DCHS2: variants seen among roughly 807,000 people sequenced by gnomAD.
The protein encoded by DCHS2 is protocadherin-23.
Under a neutral mutation model 182.4 loss-of-function variants are expected in DCHS2, and 142 were observed. The observed-to-expected ratio is 0.78, with a 90% CI of 0.68 to 0.89. The LOEUF is 0.89. Ranked by LOEUF, DCHS2 falls within the 40% of genes least tolerant of loss-of-function variation. The pLI, the probability that DCHS2 is intolerant of heterozygous loss-of-function variation, is 0.00. For synonymous variants in DCHS2, 1,740 were observed against 1,663.3 expected (o/e 1.05, Z -1.12); for missense variants, 4,319 against 4,198.6 (o/e 1.03, Z -0.79).
At chr4:154,485,684 ATGT>A (rs1579127423) in intron 1 of DCHS2, among the ~76,000 whole-genome samples, 3 of 152,222 alleles carry the variant, frequency 2.0e-5, no homozygotes, top group Admixed American at 2.0e-4. Flanking sequence ...GAATTAATGA[ATGT>A]TGTTGTTTGG....
chr4:154,460,874 A>T (rs1404840954), intron 1 of DCHS2, among the ~76,000 whole-genome samples: 1 of 152,212 alleles, frequency 6.6e-6, no homozygotes, highest in East Asian at 1.9e-4. Flanking sequence ...AAAAACTAGC[A>T]GGGTAAAATA....
Position 154,384,385 on chromosome 4 carries a change from G to T in DCHS2, c.2053-6941C>A. On this transcript the variant is annotated intron_variant, in intron 1 of 19. Coordinates refer to ENST00000357232, the MANE Select transcript of DCHS2 (RefSeq NM_001358235.2). The stretch of plus-strand genomic sequence containing the variant: ...GACCTCACCTCAGTTTCCTTCACTG[G>T]TTTTGCGTTCTCTTCCTGGCTTCTG... The T allele has an allele frequency of 1.9e-6, 3 of 1,613,048 alleles. No individual in the cohort carries two copies. In the Admixed American group the frequency reaches 5.0e-5, roughly 27 times the overall value.
At chr4:154,268,900 G>A (rs371365304) in intron 14 of DCHS2, among the ~76,000 whole-genome samples, 2 of 152,144 alleles carry the variant, frequency 1.3e-5, no homozygotes, top group Admixed American at 6.6e-5. Context: ...TTAGGAGTGC[G>A]GTGGCGGAGG....
intron 13 of DCHS2, among the ~76,000 whole-genome samples, chr4:154,293,110 G>C (rs147099500): frequency 6.6e-6 from 1 of 152,084 alleles, no homozygotes; most frequent in Non-Finnish European, 1.5e-5. Flanking sequence ...CATTGGAATC[G>C]CATGGGAGCT....
chr4:154,343,357 C>T (rs1729200448), intron 3 of DCHS2: 1 of 1,078,892 alleles, frequency 9.3e-7, no homozygotes, highest in African/African-American at 1.6e-5. Flanking sequence ...CTTTTAAGTT[C>T]TGAAGCCAGG....
At chr4:154,378,099 C>T (rs1295250108) in intron 1 of DCHS2, among the ~76,000 whole-genome samples, 1 of 152,142 alleles carries the variant, frequency 6.6e-6, no homozygotes, top group African/African-American at 2.4e-5. Flanking sequence ...CCAGCCCATG[C>T]TGTGCTCGCC....
At chr4:154,451,404 G>T (rs764925728) in intron 1 of DCHS2, among the ~76,000 whole-genome samples, 1 of 152,058 alleles carries the variant, frequency 6.6e-6, no homozygotes, top group Admixed American at 6.6e-5. Context: ...TATAAAGTTG[G>T]GTGTGCATAA....
rs186601418 is a variant in DCHS2, at chr4:154,340,959, T to C, written c.2477-5855A>G. Among the ~76,000 whole-genome samples the C allele has an allele frequency of 3.9e-5, 6 of 152,356 alleles. No individual in the cohort carries two copies. The East Asian group carries it at 9.6e-4, about 24-fold the overall frequency. On this transcript the variant is annotated intron_variant, in intron 3 of 19. Coordinates refer to ENST00000357232, the MANE Select transcript of DCHS2 (RefSeq NM_001358235.2). ...AACATCACACAAATGTTAGCTATTA[T>C]GAAGAGGGCTTAGCTTAGAACCTTG...
At chr4:154,292,913 C>G (rs1026521221) in intron 13 of DCHS2, among the ~76,000 whole-genome samples, 11 of 152,118 alleles carry the variant, frequency 7.2e-5, no homozygotes, top group Admixed American at 3.9e-4. Context: ...TATGGTTGAC[C>G]GCCCCGTTTC....
chr4:154,330,956 C>CGGGGATGT (rs1736494717), intron 5 of DCHS2, among the ~76,000 whole-genome samples: 2 of 151,940 alleles, frequency 1.3e-5, no homozygotes, highest in Non-Finnish European at 2.9e-5. Flanking sequence ...CCTTGGAGGT[C>CGGGGATGT]GGGGATGTAA....
chr4:154,261,398 C>CT (rs1307537302), intron 14 of DCHS2, among the ~76,000 whole-genome samples: 1 of 152,154 alleles, frequency 6.6e-6, no homozygotes, highest in Admixed American at 6.5e-5. Flanking sequence ...GATTTAATAT[C>CT]TCTGTGAACT....
At chr4:154,470,953 C>T (rs934814706) in intron 1 of DCHS2, among the ~76,000 whole-genome samples, 1 of 152,166 alleles carries the variant, frequency 6.6e-6, no homozygotes, top group Non-Finnish European at 1.5e-5. Flanking sequence ...GGAACCTGAA[C>T]AAGGATCTGC....
intron 13 of DCHS2, among the ~76,000 whole-genome samples, chr4:154,295,437 T>C (rs1441832728): frequency 3.9e-5 from 6 of 152,226 alleles, no homozygotes; most frequent in South Asian, 2.1e-4. Context: ...GGAATTCATA[T>C]GTGGAAACAT....
chr4:154,330,472 C>T (rs1736477354), intron 5 of DCHS2, among the ~76,000 whole-genome samples: 1 of 152,124 alleles, frequency 6.6e-6, no homozygotes, highest in Admixed American at 6.5e-5. Flanking sequence ...CCAGGCATAA[C>T]ATCTAAGTGC....
rs1414645216 is a variant in DCHS2 at position 154,231,905 on chromosome 4, G to T, written c.*2631C>A. The T allele has an allele frequency of 6.6e-6, 1 of 151,998 alleles. No homozygotes were observed. The highest frequency in any genetic ancestry group is 6.6e-5 in the Admixed American group (1 of 15,234). The allele number at this position is 151,998 out of a possible 1,614,324, so 9.4% of individuals were successfully genotyped here. A position where few individuals can be genotyped will look rare whatever the true frequency, so the allele number is the denominator to read the frequency against. ...AGCATTTTTCTTTTTCTTTGCCCAG[G>T]AATCTGTTTTGGAAGCCAATTCAAT... On this transcript the variant is annotated 3_prime_UTR_variant, in exon 20 of 20. Coordinates refer to ENST00000357232, the MANE Select transcript of DCHS2 (RefSeq NM_001358235.2).
In DCHS2 at chr4:154,235,168, GGCTGGCTTCT is replaced by G; in HGVS notation, c.9474_9483del (p.Glu3159LysfsTer52). The G allele has an allele frequency of 1.2e-6, 2 of 1,614,054 alleles. No homozygotes were observed. The highest frequency in any genetic ancestry group is 1.7e-6 in the Non-Finnish European group (2 of 1,179,966). ...CCTTGATCTCCTTCCCCAAATGTTTGGCTGGCTTCTGCTGTTTCGGCAGTCACCATCACAT... is the reference window on the plus strand; with the variant it reads ...CCTTGATCTCCTTCCCCAAATGTTTGGCTGTTTCGGCAGTCACCATCACAT... On this transcript the variant is annotated frameshift_variant, in exon 20 of 20. Coordinates refer to ENST00000357232, the MANE Select transcript of DCHS2 (RefSeq NM_001358235.2). LOFTEE classifies it low-confidence loss of function (END_TRUNC).
intron 13 of DCHS2, among the ~76,000 whole-genome samples, chr4:154,289,813 G>A (rs1578919011): frequency 1.3e-5 from 2 of 151,874 alleles, no homozygotes; most frequent in African/African-American, 4.8e-5. Context: ...GATACATCAT[G>A]TCAACAAAAT....
intron 1 of DCHS2, among the ~76,000 whole-genome samples, chr4:154,433,186 G>A (rs1733626440): frequency 6.6e-6 from 1 of 152,030 alleles, no homozygotes; most frequent in Admixed American, 6.6e-5. Context: ...GAGGAAACAG[G>A]CCATGTGACA....
intron 1 of DCHS2, among the ~76,000 whole-genome samples, chr4:154,394,124 C>T (rs1185570539): frequency 2.0e-5 from 3 of 152,120 alleles, no homozygotes; most frequent in African/African-American, 7.2e-5. Flanking sequence ...GGACCCATCA[C>T]ATTTCTCTTC....
Sources: gnomAD v4.1 joint callset for allele counts (sites outside exome capture counted in the v4.1 genomes callset) on GRCh38, gnomAD v4.1.1 for gene constraint, MANE v1.5 for transcripts, NCBI Gene and HGNC (gene_info 2026-07-23, HGNC 2026-07-21) for gene names.